The following SLC25A42 variants were observed in gnomAD, a reference collection of about 807,000 sequenced individuals.
SLC25A42 encodes the protein mitochondrial coenzyme A transporter SLC25A42.
A neutral mutation model predicts 34.7 loss-of-function variants in SLC25A42; 19 were observed. The observed-to-expected ratio is 0.55, with a 90% CI of 0.38 to 0.80. The LOEUF is 0.80. Among genes scored for constraint, SLC25A42 ranks in the 30% least tolerant of loss-of-function variants. SLC25A42 has a pLI of 0.00. For synonymous variants in SLC25A42, 205 were observed against 191.2 expected (o/e 1.07, Z -0.59); for missense variants, 364 against 441.3 (o/e 0.82, Z 1.57).
At chr19:19,074,105 A>G (rs929139116) in intron 1 of SLC25A42, among the ~76,000 whole-genome samples, 9 of 152,356 alleles carry the variant, frequency 5.9e-5, no homozygotes, top group Admixed American at 2.6e-4. Flanking sequence ...TTTAGATAAC[A>G]TCTAACGGCC....
chr19:19,106,349 T>C lies in SLC25A42; in HGVS notation c.461T>C (p.Leu154Pro). ...GCTTCACTGACCTACCCCCTGGACC[T>C]GGTCAGAGCGCGGATGGCCGTAACC... ...TAASLTYPLD[L>P]VRARMAVTPK... The change falls in exon 6 of 8, where the codon CTG becomes CCG. Residue 154 changes from leucine (L) to proline (P), a missense_variant. Leu to Pro is a moderately conservative substitution (Grantham distance 98). Coordinates refer to ENST00000318596, the MANE Select transcript of SLC25A42 (RefSeq NM_178526.5). The C allele has an allele frequency of 6.2e-7, 1 of 1,613,548 alleles. No homozygotes were observed. The highest frequency in any genetic ancestry group is 8.5e-7 in the Non-Finnish European group (1 of 1,179,782).
At chr19:19,104,812 A>G in intron 3 of SLC25A42, 101 bp from the exon 4 acceptor site, 1 of 1,348,064 alleles carries the variant, frequency 7.4e-7, no homozygotes, top group East Asian at 2.3e-5. Flanking sequence ...TTGGGGGGAA[A>G]AGGAGGGTGA....
intron 1 of SLC25A42, among the ~76,000 whole-genome samples, chr19:19,089,232 A>C (rs2059724692): frequency 6.6e-6 from 1 of 152,224 alleles, no homozygotes; most frequent in Non-Finnish European, 1.5e-5. Flanking sequence ...GTTGAACTTT[A>C]AAACAGATTC....
chr19:19,109,566 G>A lies in SLC25A42; in HGVS notation c.650-1003G>A, dbSNP rs985360759. On this transcript the variant is annotated intron_variant, in intron 7 of 7. Coordinates refer to ENST00000318596, the MANE Select transcript of SLC25A42 (RefSeq NM_178526.5). The surrounding 1 kb of genome is among the most constrained non-coding windows in gnomAD (Gnocchi z 4.1). ...CTGCCTCAGCCTCCCTAGTAGCTGG[G>A]ATTACAGGCGCCCACCACCACACCT... is the stretch of plus-strand genomic sequence containing the variant. Among the ~76,000 whole-genome samples, 7 of 151,984 alleles carry A rather than the reference G, an allele frequency of 4.6e-5. No individual in the cohort carries two copies. Among genetic ancestry groups the A allele is most frequent in the African/African-American group, 1.7e-4 (7 of 41,354 alleles).
chr19:19,106,204 G>C, intron 5 of SLC25A42, 65 bp from the exon 6 acceptor site: 2 of 1,400,210 alleles, frequency 1.4e-6, no homozygotes, highest in Non-Finnish European at 2.0e-6. Context: ...GGTGCTCCAG[G>C]CTGGGCCTCT....
At chr19:19,087,868 C>CA (rs1599675038) in intron 1 of SLC25A42, among the ~76,000 whole-genome samples, 1 of 152,326 alleles carries the variant, frequency 6.6e-6, no homozygotes, top group African/African-American at 2.4e-5. Context: ...AGTGAGCCCA[C>CA]AGGAGGCTGT....
rs2059863077 is a variant in SLC25A42, at chr19:19,111,167, T to TGGGG, written c.*292_*295dup. Reference sequence around the variant, plus strand: ...GGAGGTGTTGCCCAAAAGGCCCTAGTGGGGCGTGGTCAGCTCCACCTCCTG... The same window carrying TGGGG: ...GGAGGTGTTGCCCAAAAGGCCCTAGTGGGGGGGGCGTGGTCAGCTCCACCTCCTG... On this transcript the variant is annotated 3_prime_UTR_variant, in exon 8 of 8. Transcript: ENST00000318596. The TGGGG allele has an allele frequency of 8.3e-6, 4 of 483,940 alleles. No individual in the cohort carries two copies. The allele number at this position is 483,940 out of a possible 1,614,324, so 30.0% of individuals were successfully genotyped here. A position where few individuals can be genotyped will look rare whatever the true frequency, so the allele number is the denominator to read the frequency against.
chr19:19,075,056 G>A (rs2059649403), intron 1 of SLC25A42, among the ~76,000 whole-genome samples: 1 of 152,056 alleles, frequency 6.6e-6, no homozygotes, highest in South Asian at 2.1e-4. Flanking sequence ...CAGAGGCTAA[G>A]GTGGAAAGAT....
chr19:19,110,112 C>G (rs753515042), intron 7 of SLC25A42, among the ~76,000 whole-genome samples: 1 of 152,006 alleles, frequency 6.6e-6, no homozygotes. Context: ...TTTGGGAGGC[C>G]GAGGCAGGCA....
At chr19:19,103,684 G>T (rs1346212213) in intron 3 of SLC25A42, among the ~76,000 whole-genome samples, 1 of 152,182 alleles carries the variant, frequency 6.6e-6, no homozygotes, top group African/African-American at 2.4e-5. Context: ...AAGCAAGATG[G>T]TTACGGCCCG....
At chr19:19,072,682 C>CA (rs1169693193) in intron 1 of SLC25A42, among the ~76,000 whole-genome samples, 2 of 151,176 alleles carry the variant, frequency 1.3e-5, no homozygotes, top group Admixed American at 6.6e-5. Flanking sequence ...CTCACTCAGC[C>CA]AAAAAATTTT....
intron 1 of SLC25A42, among the ~76,000 whole-genome samples, chr19:19,080,558 G>C (rs1024432773): frequency 6.6e-6 from 1 of 152,092 alleles, no homozygotes; most frequent in Non-Finnish European, 1.5e-5. Context: ...CAGGTGGGAG[G>C]ATCACTTGAG....
In SLC25A42 at chr19:19,096,120, C is replaced by G; in HGVS notation, c.-5C>G. ...GAGTCTCCTGCCATTCCGAGCAGGCCTGGTATGGGTAATGGTGTGAAGGAA... is the reference window on the plus strand; with the variant it reads ...GAGTCTCCTGCCATTCCGAGCAGGCGTGGTATGGGTAATGGTGTGAAGGAA... On this transcript the variant is annotated 5_prime_UTR_variant, in exon 2 of 8. Transcript: ENST00000318596. 1.2e-6 allele frequency: 2 copies of G among 1,613,698 alleles called. No individual in the cohort carries two copies. The highest frequency in any genetic ancestry group is 2.7e-5 in the African/African-American group (2 of 74,826).
intron 1 of SLC25A42, among the ~76,000 whole-genome samples, chr19:19,083,536 C>T (rs1168328238): frequency 6.6e-6 from 1 of 152,230 alleles, no homozygotes; most frequent in East Asian, 1.9e-4. Flanking sequence ...GGCTCTCTGG[C>T]CTCCTGCCCC....
rs1331602742 is a variant in SLC25A42, at chr19:19,085,572, G to T, written c.-34-10519G>T. Among the ~76,000 whole-genome samples, 5 of 152,150 alleles carry T rather than the reference G, an allele frequency of 3.3e-5. No homozygotes were observed. In the South Asian group the frequency reaches 1.0e-3, roughly 32 times the overall value. ...ATTTTTGTATTTTTAGTAGAAATGGGCTTTCGCCATTTTGCTCAGGCTGGT... is the reference window on the plus strand; with the variant it reads ...ATTTTTGTATTTTTAGTAGAAATGGTCTTTCGCCATTTTGCTCAGGCTGGT... On this transcript the variant is annotated intron_variant, in intron 1 of 7. Coordinates refer to ENST00000318596, the MANE Select transcript of SLC25A42 (RefSeq NM_178526.5).
chr19:19,087,319 G>A (rs552159694), intron 1 of SLC25A42, among the ~76,000 whole-genome samples: 1 of 151,996 alleles, frequency 6.6e-6, no homozygotes, highest in Non-Finnish European at 1.5e-5. Context: ...ACAGAGTCTC[G>A]CTCTGTCGCC....
Position 19,096,215 on chromosome 19 carries a change from C to T in SLC25A42, c.81+10C>T, listed in dbSNP as rs768453687. The stretch of plus-strand genomic sequence containing the variant: ...GTCCGTCTCATCAAAGGCAAGTACC[C>T]CGGCCTCCTGGGATGGGTGTTCTCC... On this transcript the variant is annotated intron_variant, in intron 2 of 7. Transcript: ENST00000318596. 3 of 1,605,494 alleles carry T rather than the reference C, an allele frequency of 1.9e-6. No homozygotes were observed. The highest frequency in any genetic ancestry group is 2.6e-6 in the Non-Finnish European group (3 of 1,173,080).
At chr19:19,080,922 T>TA (rs11374996) in intron 1 of SLC25A42, among the ~76,000 whole-genome samples, 105,106 of 128,340 alleles carry the variant, frequency 0.82, 42,654 homozygotes, top group East Asian at 0.89. Flanking sequence ...CCTATAAAAT[T>TA]TAAAAAAAAA....
At chr19:19,067,307 C>T (rs2059607768) in intron 1 of SLC25A42, among the ~76,000 whole-genome samples, 1 of 152,122 alleles carries the variant, frequency 6.6e-6, no homozygotes, top group Non-Finnish European at 1.5e-5. Flanking sequence ...ATATTTGGGG[C>T]TGGATGCAGT....
Sources: gnomAD v4.1 joint callset for allele counts (sites outside exome capture counted in the v4.1 genomes callset) on GRCh38, gnomAD v4.1.1 for gene constraint, Gnocchi (gnomAD v3.1) non-coding constraint, MANE v1.5 for transcripts, NCBI Gene and HGNC (gene_info 2026-07-23, HGNC 2026-07-21) for gene names.